Variants in PARD3B observed in about 807,000 individuals in gnomAD.
PARD3B encodes partitioning defective 3 homolog B.
In PARD3B, 103 loss-of-function variants were observed where a neutral mutation model predicts 130.2. That is an observed-to-expected ratio of 0.79 (90% CI 0.67 to 0.93). The LOEUF (loss-of-function observed/expected upper bound fraction) is 0.93, where lower values mean the gene tolerates loss of function less well. Among genes scored for constraint, PARD3B ranks in the 40% least tolerant of loss-of-function variants. PARD3B has a pLI of 0.00. For synonymous variants in PARD3B, 583 were observed against 553.2 expected (o/e 1.05, Z -0.76); for missense variants, 1,609 against 1,499.2 (o/e 1.07, Z -1.21).
intron 2 of PARD3B, among the ~76,000 whole-genome samples, chr2:204,789,198 A>G (rs923636905): frequency 6.6e-6 from 1 of 152,088 alleles, no homozygotes; most frequent in African/African-American, 2.4e-5. Flanking sequence ...CTGGGACCAT[A>G]GGTGTGCACC....
chr2:205,156,401 T>G (rs2125708388), intron 10 of PARD3B, among the ~76,000 whole-genome samples: 2 of 151,758 alleles, frequency 1.3e-5, no homozygotes, highest in Admixed American at 6.6e-5. Context: ...ACCCTAAAAC[T>G]TAAAGTATAA....
intron 2 of PARD3B, among the ~76,000 whole-genome samples, chr2:204,760,552 CTG>C (rs1282093756): frequency 2.6e-5 from 4 of 151,928 alleles, no homozygotes; most frequent in Admixed American, 1.3e-4. Flanking sequence ...TATATTGAAA[CTG>C]TTTTATTAAT....
intron 15 of PARD3B, among the ~76,000 whole-genome samples, chr2:205,227,126 C>T (rs1006714458): frequency 4.6e-5 from 7 of 151,886 alleles, no homozygotes; most frequent in East Asian, 1.9e-4. Flanking sequence ...GAATGATCTA[C>T]GTGCTTAGGA....
At chr2:204,551,240 A>T (rs1361991539) in intron 1 of PARD3B, among the ~76,000 whole-genome samples, 1 of 152,202 alleles carries the variant, frequency 6.6e-6, no homozygotes, top group African/African-American at 2.4e-5. Context: ...TTGAGATTTC[A>T]TGCAAAACTC....
chr2:204,917,388 T>C (rs1391807164), intron 2 of PARD3B, among the ~76,000 whole-genome samples: 5 of 152,208 alleles, frequency 3.3e-5, no homozygotes, highest in Admixed American at 3.3e-4. Context: ...TAGTGGCTTC[T>C]ATTTTGGGTA....
At chr2:204,721,463 A>T (rs2038994271) in intron 2 of PARD3B, among the ~76,000 whole-genome samples, 1 of 152,148 alleles carries the variant, frequency 6.6e-6, no homozygotes, top group African/African-American at 2.4e-5. Context: ...AGGAAAGTGG[A>T]CTAAAGTTTT....
At chr2:205,020,383 T>C (rs1387176056) in intron 3 of PARD3B, among the ~76,000 whole-genome samples, 5 of 152,114 alleles carry the variant, frequency 3.3e-5, no homozygotes, top group Admixed American at 3.3e-4. Context: ...GGGGAAGGAA[T>C]AGGTTTATAC....
At chr2:204,856,716 T>C (rs1250921380) in intron 2 of PARD3B, among the ~76,000 whole-genome samples, 2 of 152,152 alleles carry the variant, frequency 1.3e-5, no homozygotes, top group East Asian at 3.8e-4. Flanking sequence ...TTTGAATATG[T>C]TGTGAGATAA....
intron 3 of PARD3B, among the ~76,000 whole-genome samples, chr2:205,044,652 T>G (rs1698640345): frequency 6.6e-6 from 1 of 152,204 alleles, no homozygotes; most frequent in Non-Finnish European, 1.5e-5. Flanking sequence ...TTGATGGGGT[T>G]GTTTTTTTCT....
intron 4 of PARD3B, among the ~76,000 whole-genome samples, chr2:205,089,232 A>C (rs1314586610): frequency 1.4e-5 from 2 of 142,330 alleles, no homozygotes; most frequent in African/African-American, 5.3e-5. Flanking sequence ...GTGCGATGGC[A>C]TGATCTTGGC....
intron 11 of PARD3B, 111 bp from the exon 12 acceptor site, chr2:205,172,100 G>A (rs1329129863): frequency 2.7e-6 from 3 of 1,108,408 alleles, no homozygotes; most frequent in Non-Finnish European, 3.8e-6. Flanking sequence ...TAACAGCTAG[G>A]TTTTCTTTTT....
chr2:204,933,263 A>G (rs192917475), intron 2 of PARD3B, among the ~76,000 whole-genome samples: 279 of 152,322 alleles, frequency 1.8e-3, no homozygotes, highest in African/African-American at 6.4e-3. Flanking sequence ...AAGGAAGAGT[A>G]GAATATTAGC....
intron 2 of PARD3B, among the ~76,000 whole-genome samples, chr2:204,863,625 G>T (rs538146321): frequency 6.6e-6 from 1 of 152,274 alleles, no homozygotes; most frequent in African/African-American, 2.4e-5. Context: ...TCTATTCTGG[G>T]TTCCAAGTGA....
chr2:204,870,567 C>G (rs2045594539), intron 2 of PARD3B, among the ~76,000 whole-genome samples: 1 of 152,028 alleles, frequency 6.6e-6, no homozygotes, highest in Admixed American at 6.6e-5. Context: ...CCAGAGCTGT[C>G]CTGGTTGATT....
At chr2:204,861,924 C>CAAAAAAAAAAAAA (rs60473341) in intron 2 of PARD3B, among the ~76,000 whole-genome samples, 1 of 34,068 alleles carries the variant, frequency 2.9e-5, no homozygotes, top group Non-Finnish European at 6.3e-5. Flanking sequence ...AGACATTTCT[C>CAAAAAAAAAAAAA]AAAAAAAAAA....
intron 2 of PARD3B, among the ~76,000 whole-genome samples, chr2:204,957,988 G>T (rs986409931): frequency 3.3e-5 from 5 of 151,938 alleles, no homozygotes; most frequent in Non-Finnish European, 2.9e-5. Context: ...TCAATACATT[G>T]TTTAGTTCAA....
At chr2:205,058,668 G>A (rs1285690793) in intron 4 of PARD3B, among the ~76,000 whole-genome samples, 1 of 151,826 alleles carries the variant, frequency 6.6e-6, no homozygotes, top group Admixed American at 6.6e-5. Flanking sequence ...TTGTAGTTTC[G>A]ATTTGCATTT....
rs557444946 is a variant in PARD3B at position 204,819,320 on chromosome 2, T to C, written c.222+133038T>C. 5.9e-5 allele frequency among the ~76,000 whole-genome samples: 9 copies of C among 152,338 alleles called. No homozygotes were observed. In the South Asian group the frequency reaches 1.9e-3, roughly 32 times the overall value. Reference sequence around the variant, plus strand: ...CATGTTTCAAACCTTTTCATTATCATATTTGTTACGGTGATCTGTGATCAG... The same window carrying C: ...CATGTTTCAAACCTTTTCATTATCACATTTGTTACGGTGATCTGTGATCAG... On this transcript the variant is annotated intron_variant, in intron 2 of 22. Transcript: ENST00000406610.
chr2:205,179,373 GT>G (rs35193993), intron 13 of PARD3B, among the ~76,000 whole-genome samples: 19,802 of 152,148 alleles, frequency 0.13, 1,461 homozygotes, highest in Middle Eastern at 0.24. Context: ...GTACAGTAGT[GT>G]TTTAGGCCTT....
Sources: gnomAD v4.1 joint callset for allele counts (sites outside exome capture counted in the v4.1 genomes callset) on GRCh38, gnomAD v4.1.1 for gene constraint, MANE v1.5 for transcripts, NCBI Gene and HGNC (gene_info 2026-07-23, HGNC 2026-07-21) for gene names.